The following KCTD8 variants were observed in gnomAD, a reference collection of about 807,000 sequenced individuals.
KCTD8 encodes BTB/POZ domain-containing protein KCTD8.
In KCTD8, 27 loss-of-function variants were observed where a neutral mutation model predicts 31.5. The observed-to-expected ratio is 0.86, with a 90% CI of 0.63 to 1.18. The LOEUF is 1.18. Among genes scored for constraint, KCTD8 ranks in the 50% most tolerant of loss-of-function variants. KCTD8 has a pLI of 0.00. For synonymous variants in KCTD8, 290 were observed against 280.0 expected, an observed-to-expected ratio of 1.04 and a Z score of -0.36; for missense variants, 658 against 647.7, an observed-to-expected ratio of 1.02 and a Z score of -0.17.
chr4:44,292,355 A>C (rs1363994344), intron 1 of KCTD8, among the ~76,000 whole-genome samples: 1 of 152,164 alleles, frequency 6.6e-6, no homozygotes, highest in Admixed American at 6.6e-5. Flanking sequence ...TATCATCCTA[A>C]GAGAATTAAT....
At chr4:44,289,296 C>T (rs559248733) in intron 1 of KCTD8, among the ~76,000 whole-genome samples, 31 of 151,490 alleles carry the variant, frequency 2.0e-4, no homozygotes, top group Non-Finnish European at 3.4e-4. Context: ...TAAAATCTCA[C>T]AATATATTCA....
intron 1 of KCTD8, among the ~76,000 whole-genome samples, chr4:44,372,183 T>C (rs1324315078): frequency 6.6e-6 from 1 of 152,084 alleles, no homozygotes; most frequent in Non-Finnish European, 1.5e-5. Context: ...CAGTCCTTAC[T>C]ATCCAGGGGC....
intron 1 of KCTD8, among the ~76,000 whole-genome samples, chr4:44,376,701 G>T (rs537429620): frequency 6.6e-6 from 1 of 152,238 alleles, no homozygotes; most frequent in East Asian, 1.9e-4. Context: ...TCTAGTGAGG[G>T]ATATAAAAAC....
chr4:44,329,628 T>C (rs1009714961), intron 1 of KCTD8, among the ~76,000 whole-genome samples: 3 of 151,932 alleles, frequency 2.0e-5, no homozygotes, highest in Non-Finnish European at 4.4e-5. Context: ...TTAGCCCTTA[T>C]CTTGCTTTGT....
At chr4:44,238,227 G>A (rs1306225026) in intron 1 of KCTD8, among the ~76,000 whole-genome samples, 1 of 151,904 alleles carries the variant, frequency 6.6e-6, no homozygotes, top group Admixed American at 6.6e-5. Context: ...CTACTCATGA[G>A]TCCTCTTTCA....
chr4:44,411,105 A>T (rs1375570872), intron 1 of KCTD8, among the ~76,000 whole-genome samples: 1 of 152,170 alleles, frequency 6.6e-6, no homozygotes, highest in Non-Finnish European at 1.5e-5. Context: ...TCTCACAATT[A>T]TTTGATGACA....
chr4:44,392,480 A>G (rs369996597), intron 1 of KCTD8, among the ~76,000 whole-genome samples: 2 of 152,048 alleles, frequency 1.3e-5, no homozygotes, highest in African/African-American at 4.8e-5. Flanking sequence ...CAGATTGTCC[A>G]TAATATTAAA....
At chr4:44,273,802 C>A (rs964869629) in intron 1 of KCTD8, among the ~76,000 whole-genome samples, 1 of 151,782 alleles carries the variant, frequency 6.6e-6, no homozygotes. Flanking sequence ...GACTGATAAA[C>A]CCAAAACACT....
chr4:44,351,403 A>C (rs760589842), intron 1 of KCTD8, among the ~76,000 whole-genome samples: 5 of 152,148 alleles, frequency 3.3e-5, no homozygotes, highest in Non-Finnish European at 7.4e-5. Context: ...AAGTACCCAA[A>C]CAAACCCATT....
intron 1 of KCTD8, among the ~76,000 whole-genome samples, chr4:44,196,747 G>T (rs1056838109): frequency 1.3e-5 from 2 of 152,150 alleles, no homozygotes; most frequent in African/African-American, 4.8e-5. Flanking sequence ...AAGGATCTGT[G>T]AAATCTTGGG....
rs139802784 is a variant in KCTD8, at chr4:44,386,188, C to A, written c.961+61375G>T. Reference sequence around the variant, plus strand: ...GAACCAACATATGATACAACAATTCCACTTCTGGGTATATACTCCCAAAAT... The same window carrying A: ...GAACCAACATATGATACAACAATTCAACTTCTGGGTATATACTCCCAAAAT... On this transcript the variant is annotated intron_variant, in intron 1 of 1. Coordinates refer to ENST00000360029, the MANE Select transcript of KCTD8 (RefSeq NM_198353.3). 5.7e-3 allele frequency among the ~76,000 whole-genome samples: 865 copies of A among 151,518 alleles called. 10 individuals are homozygous for A. Among genetic ancestry groups the A allele is most frequent in the African/African-American group, 0.019 (803 of 41,448 alleles).
In KCTD8 at chr4:44,175,127, C is replaced by T. The variant is rs868062440; in HGVS notation, c.1085G>A (p.Ser362Asn). ...CNELSTSSCD[S>N]HSEASTPQDN... ...CTGGGGAGTGCTTGCCTCTGAATGG[C>T]TGTCACAACTGGAAGTGGAGAGCTC... The change falls in exon 2 of 2, where the codon AGC becomes AAC. Residue 362 changes from serine (S) to asparagine (N), a missense_variant. By Grantham distance (46) the Ser-to-Asn change is conservative. Coordinates refer to ENST00000360029, the MANE Select transcript of KCTD8 (RefSeq NM_198353.3). 2 of 1,613,978 alleles carry T rather than the reference C, an allele frequency of 1.2e-6. No homozygotes were observed. Among genetic ancestry groups the T allele is most frequent in the Non-Finnish European group, 1.7e-6 (2 of 1,179,964 alleles).
intron 1 of KCTD8, among the ~76,000 whole-genome samples, chr4:44,442,228 AAG>A (rs770770710): frequency 7.9e-5 from 12 of 152,272 alleles, no homozygotes; most frequent in South Asian, 2.1e-4. Context: ...TATGATTTTA[AAG>A]AGTTATTTAA....
intron 1 of KCTD8, among the ~76,000 whole-genome samples, chr4:44,332,374 TATATA>T (rs1330968522): frequency 3.9e-5 from 6 of 152,020 alleles, no homozygotes; most frequent in African/African-American, 1.4e-4. Flanking sequence ...ACATGGCTGT[TATATA>T]ATATACCTTA....
chr4:44,442,218 T>C (rs183719787), intron 1 of KCTD8, among the ~76,000 whole-genome samples: 1 of 152,274 alleles, frequency 6.6e-6, no homozygotes, highest in Non-Finnish European at 1.5e-5. Context: ...GTACTACTTT[T>C]ATGATTTTAA....
chr4:44,290,751 C>A (rs1717247190), intron 1 of KCTD8, among the ~76,000 whole-genome samples: 1 of 151,930 alleles, frequency 6.6e-6, no homozygotes. Context: ...TTAAAAAATT[C>A]TATGAAATTA....
intron 1 of KCTD8, among the ~76,000 whole-genome samples, chr4:44,422,043 A>G (rs1158764428): frequency 6.6e-6 from 1 of 152,008 alleles, no homozygotes; most frequent in East Asian, 1.9e-4. Context: ...ATCTTTCTAC[A>G]TTTCTATACT....
intron 1 of KCTD8, among the ~76,000 whole-genome samples, chr4:44,333,153 T>C (rs958523496): frequency 5.9e-5 from 9 of 151,952 alleles, no homozygotes; most frequent in African/African-American, 2.2e-4. Flanking sequence ...GCAATGAATA[T>C]CTCATAGAAT....
chr4:44,295,990 CT>C (rs1255180598), intron 1 of KCTD8, among the ~76,000 whole-genome samples: 2 of 152,128 alleles, frequency 1.3e-5, no homozygotes, highest in Non-Finnish European at 2.9e-5. Context: ...CCCAACTGGC[CT>C]TAATTGCCTA....
Sources: allele counts gnomAD v4.1 joint callset (sites outside exome capture counted in the v4.1 genomes callset), GRCh38; gene constraint gnomAD v4.1.1; transcripts MANE v1.5; gene names NCBI Gene and HGNC (gene_info 2026-07-23, HGNC 2026-07-21).